The following DYNC1I1 variants were observed in gnomAD, a reference collection of about 807,000 sequenced individuals.
DYNC1I1 encodes cytoplasmic dynein 1 intermediate chain 1.
A neutral mutation model predicts 86.6 loss-of-function variants in DYNC1I1; 43 were observed. The ratio of observed to expected loss-of-function variants is 0.50; its 90% CI spans 0.39 to 0.64. The LOEUF is 0.64. Ranked by LOEUF, DYNC1I1 falls within the 30% of genes least tolerant of loss-of-function variation. DYNC1I1 has a pLI of 0.00. For synonymous variants in DYNC1I1, 262 were observed against 283.7 expected (o/e 0.92, Z 0.77); for missense variants, 604 against 788.8 (o/e 0.77, Z 2.81).
At chr7:95,972,415 A>G (rs113391209) in intron 6 of DYNC1I1, among the ~76,000 whole-genome samples, 35 of 152,226 alleles carry the variant, frequency 2.3e-4, no homozygotes, top group African/African-American at 7.9e-4. Flanking sequence ...ACAAAGCCTG[A>G]GTTAGGAGCG....
intron 1 of DYNC1I1, among the ~76,000 whole-genome samples, chr7:95,795,973 A>G (rs960948398): frequency 6.6e-6 from 1 of 151,298 alleles, no homozygotes; most frequent in South Asian, 2.1e-4. Context: ...TGATATGAAG[A>G]AGCCTACTAG....
rs35895039 is a variant in DYNC1I1, at chr7:95,818,205, C to CTT, written c.314+4881_314+4882dup. 3.7e-3 allele frequency among the ~76,000 whole-genome samples: 527 copies of CTT among 143,348 alleles called. 2 individuals carry two copies. The highest frequency in any genetic ancestry group is 0.011 in the African/African-American group (448 of 39,100). The allele number at this position is 143,348 out of a possible 152,430, so 94.0% of individuals were successfully genotyped here. ...GGGTAGTAATAGAATTAATTTTTGT[C>CTT]TTTTTTTTTTTTTTGACCATCTTTG... On this transcript the variant is annotated intron_variant, in intron 4 of 16. Transcript: ENST00000447467.
chr7:95,885,716 G>C (rs972067482), intron 6 of DYNC1I1, among the ~76,000 whole-genome samples: 4 of 152,110 alleles, frequency 2.6e-5, no homozygotes, highest in African/African-American at 9.7e-5. Flanking sequence ...CAAATTCCTA[G>C]CTTCAAGCAG....
intron 16 of DYNC1I1, among the ~76,000 whole-genome samples, chr7:96,088,501 AT>A (rs1169262834): frequency 1.3e-5 from 2 of 152,032 alleles, no homozygotes; most frequent in Non-Finnish European, 2.9e-5. Flanking sequence ...TATAGTGTTA[AT>A]TTTTTTATGG....
chr7:96,059,793 T>C (rs904641343), intron 14 of DYNC1I1, among the ~76,000 whole-genome samples: 1 of 152,152 alleles, frequency 6.6e-6, no homozygotes, highest in Non-Finnish European at 1.5e-5. Flanking sequence ...AGGAGCAAGC[T>C]TGACTTGGTT....
At chr7:95,969,078 T>C (rs1021436567) in intron 6 of DYNC1I1, among the ~76,000 whole-genome samples, 2 of 152,198 alleles carry the variant, frequency 1.3e-5, no homozygotes, top group African/African-American at 4.8e-5. Context: ...TCTTTCAAAG[T>C]ATCTCACCTT....
intron 3 of DYNC1I1, among the ~76,000 whole-genome samples, chr7:95,812,973 T>G: frequency 6.6e-6 from 1 of 152,166 alleles, no homozygotes; most frequent in East Asian, 1.9e-4. Context: ...TTTTGATGCT[T>G]CATTTTACTT....
intron 6 of DYNC1I1, among the ~76,000 whole-genome samples, chr7:95,966,866 T>C (rs991240115): frequency 1.3e-5 from 2 of 152,188 alleles, no homozygotes; most frequent in East Asian, 1.9e-4. Context: ...GTGAACCTCA[T>C]AGTGGGTGCA....
intron 10 of DYNC1I1, among the ~76,000 whole-genome samples, chr7:96,021,177 G>T (rs962119164): frequency 1.3e-5 from 2 of 152,164 alleles, no homozygotes; most frequent in South Asian, 4.1e-4. Context: ...CAAATTTTAT[G>T]AGTATTTCAC....
Position 96,076,084 on chromosome 7 carries a change from G to A in DYNC1I1, c.1537G>A (p.Asp513Asn), listed in dbSNP as rs1790327223. 2 of 1,614,188 alleles carry A rather than the reference G, an allele frequency of 1.2e-6. No homozygotes were observed. The highest frequency in any genetic ancestry group is 1.7e-6 in the Non-Finnish European group (2 of 1,180,024). Residue 513 changes from aspartate to asparagine, a missense_variant, in exon 15 of 17, where the codon GAC (aspartate) becomes AAC (asparagine). Asp to Asn is a conservative substitution (Grantham distance 23). Coordinates refer to ENST00000447467, the MANE Select transcript of DYNC1I1 (RefSeq NM_001135556.2). ...KHNKPLYSFEDNADYVYDVMW... is the reference protein window; with the variant it reads ...KHNKPLYSFENNADYVYDVMW... ...CAACAAGCCGCTCTACTCCTTTGAAGACAATGCAGACTATGTGTACGATGT... is the reference window on the plus strand; with the variant it reads ...CAACAAGCCGCTCTACTCCTTTGAAAACAATGCAGACTATGTGTACGATGT...
chr7:96,018,516 C>G (rs145248894), intron 10 of DYNC1I1, among the ~76,000 whole-genome samples: 18 of 152,268 alleles, frequency 1.2e-4, no homozygotes, highest in African/African-American at 4.1e-4. Context: ...TTTTGGAATG[C>G]TGGCCGCAAG....
chr7:95,902,902 C>A (rs1791077049), intron 6 of DYNC1I1, among the ~76,000 whole-genome samples: 1 of 152,156 alleles, frequency 6.6e-6, no homozygotes, highest in Admixed American at 6.6e-5. Context: ...GAAAACTTTA[C>A]CCCCATCTTA....
At chr7:95,871,564 C>A (rs1212627467) in intron 6 of DYNC1I1, among the ~76,000 whole-genome samples, 1 of 151,868 alleles carries the variant, frequency 6.6e-6, no homozygotes, top group Non-Finnish European at 1.5e-5. Context: ...AAAACTTGAC[C>A]CATAGCATAA....
At chr7:95,944,074 A>T (rs982788483) in intron 6 of DYNC1I1, among the ~76,000 whole-genome samples, 1 of 152,218 alleles carries the variant, frequency 6.6e-6, no homozygotes, top group African/African-American at 2.4e-5. Flanking sequence ...AAGTACCATC[A>T]GAGTGAATAG....
At chr7:95,832,844 A>T (rs1788951534) in intron 5 of DYNC1I1, among the ~76,000 whole-genome samples, 1 of 151,862 alleles carries the variant, frequency 6.6e-6, no homozygotes, top group African/African-American at 2.4e-5. Flanking sequence ...CATTTGTTTG[A>T]GTTTATCGTA....
At chr7:95,937,099 C>T (rs764983447) in intron 6 of DYNC1I1, among the ~76,000 whole-genome samples, 2 of 151,938 alleles carry the variant, frequency 1.3e-5, no homozygotes, top group Non-Finnish European at 2.9e-5. Flanking sequence ...TACCTTATCT[C>T]ACTTATATGT....
intron 6 of DYNC1I1, among the ~76,000 whole-genome samples, chr7:95,939,766 T>G (rs199582758): frequency 1.1e-4 from 16 of 152,244 alleles, no homozygotes; most frequent in African/African-American, 2.9e-4. Context: ...GCCAGTCTGT[T>G]TCTTTTAATT....
At chr7:95,873,898 C>T (rs1389201336) in intron 6 of DYNC1I1, among the ~76,000 whole-genome samples, 1 of 152,218 alleles carries the variant, frequency 6.6e-6, no homozygotes, top group Non-Finnish European at 1.5e-5. Context: ...GTGACACTAG[C>T]AATTCCACAG....
At chr7:95,781,458 G>T (rs1381073452) in intron 1 of DYNC1I1, among the ~76,000 whole-genome samples, 1 of 152,144 alleles carries the variant, frequency 6.6e-6, no homozygotes, top group Non-Finnish European at 1.5e-5. Context: ...CCTTAAAGTA[G>T]ATAGAAAAGT....
Sources: gnomAD v4.1 joint callset for allele counts (sites outside exome capture counted in the v4.1 genomes callset) on GRCh38, gnomAD v4.1.1 for gene constraint, MANE v1.5 for transcripts, NCBI Gene and HGNC (gene_info 2026-07-23, HGNC 2026-07-21) for gene names.